ZKSCAN1: variants seen among roughly 807,000 people sequenced by gnomAD.
The protein encoded by ZKSCAN1 is zinc finger protein with KRAB and SCAN domains 1.
ZKSCAN1 carries 14 observed loss-of-function variants against 51.6 expected under a neutral mutation model. The ratio of observed to expected loss-of-function variants is 0.27; its 90% confidence interval spans 0.18 to 0.42. The LOEUF (loss-of-function observed/expected upper bound fraction) is 0.42. Among genes scored for constraint, ZKSCAN1 ranks in the 10% least tolerant of loss-of-function variants. The probability of loss-of-function intolerance (pLI) is 1.00; values close to 1 mark genes in which losing one functional copy is unlikely to be tolerated. For missense variants in ZKSCAN1, 531 were observed against 710.0 expected (o/e 0.75, Z 2.86); for synonymous variants, 263 against 261.5 (o/e 1.01, Z -0.06).
At position 100,036,586 on chromosome 7, in the gene ZKSCAN1, T is replaced by C. The variant is rs1163205145; in HGVS notation, c.*2389T>C. On this transcript the variant is annotated 3_prime_UTR_variant, in exon 6 of 6. Transcript: ENST00000324306. The stretch of plus-strand genomic sequence containing the variant: ...TATAAAAATTAGCCGGGCATGATGG[T>C]GGGCACCTGTAATCCCAGCTACTTG... 16 of 700,372 alleles carry C rather than the reference T, an allele frequency of 2.3e-5. No individual in the cohort carries two copies. The highest frequency in any genetic ancestry group is 2.6e-5 in the Non-Finnish European group (15 of 570,218). 43.4% of individuals were successfully genotyped at this position (700,372 alleles called of 1,614,324 possible). A position where few individuals can be genotyped will look rare whatever the true frequency, so the allele number is the denominator to read the frequency against.
At chr7:100,018,772 A>C (rs912431508) in intron 1 of ZKSCAN1, among the ~76,000 whole-genome samples, 3 of 152,214 alleles carry the variant, frequency 2.0e-5, no homozygotes, top group Non-Finnish European at 4.4e-5. Flanking sequence ...ATCATCTGGG[A>C]AACCTCAAAT....
intron 3 of ZKSCAN1, among the ~76,000 whole-genome samples, chr7:100,025,411 G>A (rs192296476): frequency 1.3e-5 from 2 of 151,734 alleles, no homozygotes; most frequent in Non-Finnish European, 2.9e-5. Flanking sequence ...CTTTTGAGGG[G>A]AGTTGAGGAA....
rs747235018 is a variant in ZKSCAN1 at position 100,035,786 on chromosome 7, CGTT to C, written c.*1592_*1594del. 2.7e-5 allele frequency: 26 copies of C among 952,242 alleles called. 1 individual carries two copies. The highest frequency in any genetic ancestry group is 6.2e-5 in the Admixed American group (1 of 16,208). The allele number at this position is 952,242 out of a possible 1,614,324, so 59.0% of individuals were successfully genotyped here. ...GTTATGAAACTTTCATTGGTCCCAT[CGTT>C]GTGCGCAGGGTGCAACTGGCTACCT... On this transcript the variant is annotated 3_prime_UTR_variant, in exon 6 of 6. Coordinates refer to ENST00000324306, the MANE Select transcript of ZKSCAN1 (RefSeq NM_003439.4).
At position 100,034,988 on chromosome 7, in the gene ZKSCAN1, A is replaced by G. The variant is rs1190779612; in HGVS notation, c.*791A>G. 2.0e-5 allele frequency: 3 copies of G among 152,636 alleles called. No individual in the cohort carries two copies. Among genetic ancestry groups the G allele is most frequent in the Admixed American group, 6.5e-5 (1 of 15,286 alleles). 9.5% of individuals were successfully genotyped at this position (152,636 alleles called of 1,614,324 possible). A position where few individuals can be genotyped will look rare whatever the true frequency, so the allele number is the denominator to read the frequency against. The stretch of plus-strand genomic sequence containing the variant: ...TCTCCACAAGTTAGCACTTGATTGT[A>G]TACTGTCTTTTAATCCTTCATTGTT... On this transcript the variant is annotated 3_prime_UTR_variant, in exon 6 of 6. Transcript: ENST00000324306.
chr7:100,033,198 A>C lies in ZKSCAN1; in HGVS notation c.800-107A>C. On this transcript the variant is annotated intron_variant, in intron 5 of 5. Coordinates refer to ENST00000324306, the MANE Select transcript of ZKSCAN1 (RefSeq NM_003439.4). The surrounding 1 kb of genome is among the most constrained non-coding windows in gnomAD (Gnocchi z 4.1). ...AAGGAAATAAAAATAAAAATATTGCAAAGTCATTTTGCAGCCGTGTAGAAG... is the reference window on the plus strand; with the variant it reads ...AAGGAAATAAAAATAAAAATATTGCCAAGTCATTTTGCAGCCGTGTAGAAG... The C allele has an allele frequency of 6.9e-7, 1 of 1,450,318 alleles. No homozygotes were observed. The highest frequency in any genetic ancestry group is 9.0e-7 in the Non-Finnish European group (1 of 1,105,612). 89.8% of individuals were successfully genotyped at this position (1,450,318 alleles called of 1,614,324 possible). A position where few individuals can be genotyped will look rare whatever the true frequency, so the allele number is the denominator to read the frequency against.
In ZKSCAN1 at chr7:100,023,014, AT is replaced by A. The variant is rs534107464; in HGVS notation, c.-88-392del. ...ACAGTTTTTTCCTCGATTTGTCAGG[AT>A]TTTTTTTTTTTTGACGGAGTTTAAC... is the stretch of plus-strand genomic sequence containing the variant. On this transcript the variant is annotated intron_variant, in intron 1 of 5. Coordinates refer to ENST00000324306, the MANE Select transcript of ZKSCAN1 (RefSeq NM_003439.4). Among the ~76,000 whole-genome samples, 1,208 of 145,560 alleles carry A rather than the reference AT, an allele frequency of 8.3e-3. 5 individuals are homozygous for A. Among genetic ancestry groups the A allele is most frequent in the Middle Eastern group, 0.049 (14 of 284 alleles).
intron 1 of ZKSCAN1, among the ~76,000 whole-genome samples, chr7:100,017,209 C>A (rs1478011733): frequency 1.3e-5 from 2 of 151,664 alleles, no homozygotes; most frequent in Non-Finnish European, 2.9e-5. Context: ...GGGCAAAGGG[C>A]AATTTATTTA....
chr7:100,028,080 C>T (rs1010604465), intron 3 of ZKSCAN1, among the ~76,000 whole-genome samples: 1 of 152,084 alleles, frequency 6.6e-6, no homozygotes, highest in Admixed American at 6.6e-5. Flanking sequence ...TGGGGCTGGG[C>T]GCAGTGACTC....
chr7:100,016,899 C>G (rs1261537940), intron 1 of ZKSCAN1: 3 of 152,164 alleles, frequency 2.0e-5, no homozygotes, highest in Admixed American at 6.6e-5. Context: ...ACATAGGAAA[C>G]CATGGTGATT....
At chr7:100,017,340 C>T (rs1002103879) in intron 1 of ZKSCAN1, among the ~76,000 whole-genome samples, 14 of 152,180 alleles carry the variant, frequency 9.2e-5, no homozygotes, top group Admixed American at 7.2e-4. Flanking sequence ...CTCCTGCCTC[C>T]GCCTCCCGAA....
chr7:100,037,994 C>T lies in ZKSCAN1; in HGVS notation c.*3797C>T. On this transcript the variant is annotated 3_prime_UTR_variant, in exon 6 of 6. Transcript: ENST00000324306. ...AAGATCATGCCACTGGCACTCCAGCCTTGAGTGACAGAGCGAGGCTCTGTA... is the reference window on the plus strand; with the variant it reads ...AAGATCATGCCACTGGCACTCCAGCTTTGAGTGACAGAGCGAGGCTCTGTA... 1.0e-5 allele frequency: 10 copies of T among 982,680 alleles called. No homozygotes were observed. The highest frequency in any genetic ancestry group is 1.1e-5 in the Non-Finnish European group (9 of 827,634). 60.9% of individuals were successfully genotyped at this position (982,680 alleles called of 1,614,324 possible). A position where few individuals can be genotyped will look rare whatever the true frequency, so the allele number is the denominator to read the frequency against.
chr7:100,026,612 G>T (rs1790847745), intron 3 of ZKSCAN1, among the ~76,000 whole-genome samples: 1 of 151,956 alleles, frequency 6.6e-6, no homozygotes, highest in Admixed American at 6.6e-5. Context: ...TGTAATTCCA[G>T]TTACTCAGGA....
At chr7:100,017,111 A>G (rs1000170649) in intron 1 of ZKSCAN1, among the ~76,000 whole-genome samples, 2 of 152,192 alleles carry the variant, frequency 1.3e-5, no homozygotes, top group African/African-American at 4.8e-5. Flanking sequence ...CTGTGGGAGT[A>G]TCAATATTCT....
chr7:100,018,657 G>A (rs1790474938), intron 1 of ZKSCAN1, among the ~76,000 whole-genome samples: 1 of 152,156 alleles, frequency 6.6e-6, no homozygotes, highest in Non-Finnish European at 1.5e-5. Flanking sequence ...AAAGTGCTAG[G>A]ATTACAGGCA....
At chr7:100,024,014 G>C (rs770367045) in intron 2 of ZKSCAN1, 82 bp downstream of exon 2, 94 of 1,522,062 alleles carry the variant, frequency 6.2e-5, no homozygotes, top group Non-Finnish European at 8.2e-5. Context: ...GCAGGCTTTA[G>C]GTTATTAGGT....
Position 100,033,597 on chromosome 7 carries a change from C to T in ZKSCAN1, c.1092C>T (p.Phe364=). 1 of 1,614,210 alleles carries T rather than the reference C, an allele frequency of 6.2e-7. No homozygotes were observed. The highest frequency in any genetic ancestry group is 8.5e-7 in the Non-Finnish European group (1 of 1,180,042). The part of the protein sequence containing the change: ...LGRSFSLSSN[F]TTPEEVPTGT... ...GAAGCTTCAGTCTGAGCTCCAACTT[C>T]ACCACCCCTGAAGAAGTTCCCACGG... The change falls in exon 6 of 6, where the codon TTC becomes TTT. Residue 364 remains phenylalanine (F), a synonymous_variant. Transcript: ENST00000324306. This position sits in a 1 kb window ranked among gnomAD's most constrained non-coding sequence, Gnocchi z 4.1.
Position 100,041,170 on chromosome 7 carries a change from C to G in ZKSCAN1, c.*6973C>G. On this transcript the variant is annotated 3_prime_UTR_variant, in exon 6 of 6. Coordinates refer to ENST00000324306, the MANE Select transcript of ZKSCAN1 (RefSeq NM_003439.4). The stretch of plus-strand genomic sequence containing the variant: ...AACAACCTGTCCTGTTTTGTCAGTT[C>G]CCAGCTTCTTCGTTTAGAATAAATT... 1 of 726,492 alleles carries G rather than the reference C, an allele frequency of 1.4e-6. No homozygotes were observed. 45.0% of individuals were successfully genotyped at this position (726,492 alleles called of 1,614,324 possible). A position where few individuals can be genotyped will look rare whatever the true frequency, so the allele number is the denominator to read the frequency against.
Position 100,033,176 on chromosome 7 carries a change from G to GAAATAA in ZKSCAN1, c.800-117_800-112dup. ...GACAGAGCGAGACTCTGTCTCAAAG[G>GAAATAA]AAATAAAAATAAAAATATTGCAAAG... On this transcript the variant is annotated intron_variant, in intron 5 of 5. Coordinates refer to ENST00000324306, the MANE Select transcript of ZKSCAN1 (RefSeq NM_003439.4). The surrounding 1 kb of genome is among the most constrained non-coding windows in gnomAD (Gnocchi z 4.1). The GAAATAA allele has an allele frequency of 7.0e-7, 1 of 1,424,862 alleles. No homozygotes were observed. Among genetic ancestry groups the GAAATAA allele is most frequent in the Non-Finnish European group, 9.2e-7 (1 of 1,088,578 alleles). The allele number at this position is 1,424,862 out of a possible 1,614,324, so 88.3% of individuals were successfully genotyped here. A position where few individuals can be genotyped will look rare whatever the true frequency, so the allele number is the denominator to read the frequency against.
In ZKSCAN1 at chr7:100,039,535, CAA is replaced by C; in HGVS notation, c.*5340_*5341del. ...TGTGATTATTAGGAGAGAGGTTTTG[CAA>C]AGACTCGTTGCTGTGAAAGAATCTT... On this transcript the variant is annotated 3_prime_UTR_variant, in exon 6 of 6. Transcript: ENST00000324306. 1.0e-6 allele frequency: 1 copy of C among 985,374 alleles called. No individual in the cohort carries two copies. The highest frequency in any genetic ancestry group is 1.2e-6 in the Non-Finnish European group (1 of 829,924). The allele number at this position is 985,374 out of a possible 1,614,324, so 61.0% of individuals were successfully genotyped here.
Sources: gnomAD v4.1 joint callset for allele counts (sites outside exome capture counted in the v4.1 genomes callset) on GRCh38, gnomAD v4.1.1 for gene constraint, Gnocchi (gnomAD v3.1) non-coding constraint, MANE v1.5 for transcripts, NCBI Gene and HGNC (gene_info 2026-07-23, HGNC 2026-07-21) for gene names.